The following SUZ12 variants were observed in gnomAD, a reference collection of about 807,000 sequenced individuals.
SUZ12 encodes the protein SUZ12 polycomb repressive complex 2 subunit.
In SUZ12, 17 loss-of-function variants were observed where a neutral mutation model predicts 87.3. That is an observed-to-expected ratio of 0.19 (90% CI 0.13 to 0.29). The LOEUF is 0.29. SUZ12 is among the 10% of genes least tolerant of loss of function. The pLI is 1.00. For missense variants in SUZ12, 526 were observed against 912.2 expected (o/e 0.58, Z 5.45); for synonymous variants, 253 against 312.4 (o/e 0.81, Z 2.01).
chr17:31,993,860 T>C lies in SUZ12; in HGVS notation c.1294-5T>C. 6.3e-7 allele frequency: 1 copy of C among 1,588,118 alleles called. No homozygotes were observed. Among genetic ancestry groups the C allele is most frequent in the Admixed American group, 1.9e-5 (1 of 51,830 alleles). On this transcript the variant is annotated splice_region_variant and splice_polypyrimidine_tract_variant and intron_variant, in intron 11 of 15. Transcript: ENST00000322652. ...GATTTGCTTTTTTTTTTTAATTGTT[T>C]TTAGTTTCTCTATAACAACAATACA... is the stretch of plus-strand genomic sequence containing the variant.
intron 4 of SUZ12, among the ~76,000 whole-genome samples, chr17:31,955,819 C>T (rs953045892): frequency 6.6e-6 from 1 of 152,092 alleles, no homozygotes; most frequent in Non-Finnish European, 1.5e-5. Context: ...TGGCCTCTAA[C>T]AGTCCTCCTG....
chr17:31,995,396 T>C (rs538304146), intron 13 of SUZ12, among the ~76,000 whole-genome samples, 168 bp from the exon 14 acceptor site: 3 of 152,266 alleles, frequency 2.0e-5, no homozygotes, highest in Admixed American at 2.0e-4. Context: ...ATTTACATTA[T>C]GTACCAAAAG....
At chr17:31,948,538 A>G (rs1906770827) in intron 4 of SUZ12, among the ~76,000 whole-genome samples, 1 of 152,166 alleles carries the variant, frequency 6.6e-6, no homozygotes, top group South Asian at 2.1e-4. Context: ...GATAGGATAT[A>G]CACTTAATGA....
At position 31,993,223 on chromosome 17, in the gene SUZ12, T is replaced by C. The variant is rs763926979; in HGVS notation, c.1202-19T>C. 6.6e-7 allele frequency: 1 copy of C among 1,507,524 alleles called. No individual in the cohort carries two copies. Among genetic ancestry groups the C allele is most frequent in the South Asian group, 1.2e-5 (1 of 80,356 alleles). The allele number at this position is 1,507,524 out of a possible 1,614,324, so 93.4% of individuals were successfully genotyped here. A position where few individuals can be genotyped will look rare whatever the true frequency, so the allele number is the denominator to read the frequency against. ...TCAAAAGCAATGTTTTTATTGAATA[T>C]AAAAGTGTATGTTTTCAGCTGTTAA... On this transcript the variant is annotated intron_variant, in intron 10 of 15. Coordinates refer to ENST00000322652, the MANE Select transcript of SUZ12 (RefSeq NM_015355.4).
intron 5 of SUZ12, among the ~76,000 whole-genome samples, chr17:31,972,731 CT>C: frequency 6.8e-6 from 1 of 146,782 alleles, no homozygotes; most frequent in South Asian, 2.5e-4. Flanking sequence ...ATTTTTTATA[CT>C]TACAACCTGG....
chr17:31,976,352 TA>T (rs1321780629), intron 7 of SUZ12, among the ~76,000 whole-genome samples, 168 bp from the exon 8 acceptor site: 5 of 152,198 alleles, frequency 3.3e-5, no homozygotes, highest in Non-Finnish European at 5.9e-5. Flanking sequence ...AAAAAGAACA[TA>T]TAGTAAAAAT....
chr17:31,993,264 A>G lies in SUZ12; in HGVS notation c.1224A>G (p.Thr408=), dbSNP rs1909813958. 1 of 1,578,732 alleles carries G rather than the reference A, an allele frequency of 6.3e-7. No individual in the cohort carries two copies. The highest frequency in any genetic ancestry group is 1.4e-5 in the African/African-American group (1 of 72,446). Residue 408 remains threonine (T), a synonymous_variant, in exon 11 of 16, where the codon ACA becomes ACG. Transcript: ENST00000322652. ...QTIAVKESLT[T]DLQTRKEKDT... is the part of the protein sequence containing the mutation. ...CAGCTGTTAAAGAATCATTGACTAC[A>G]GATCTACAAACAAGAAAAGAAAAGG...
chr17:31,999,190 T>A lies in SUZ12; in HGVS notation c.*187T>A, dbSNP rs1271007553. On this transcript the variant is annotated 3_prime_UTR_variant, in exon 16 of 16. Coordinates refer to ENST00000322652, the MANE Select transcript of SUZ12 (RefSeq NM_015355.4). ...TTCATTATGCAGCATTACATGTATA[T>A]CACTTTTATTGATGTCATTAAAACA... 4 of 437,564 alleles carry A rather than the reference T, an allele frequency of 9.1e-6. No homozygotes were observed. 27.1% of individuals were successfully genotyped at this position (437,564 alleles called of 1,614,324 possible).
intron 10 of SUZ12, among the ~76,000 whole-genome samples, chr17:31,989,765 A>ATTTT (rs568524946): frequency 8.5e-5 from 11 of 129,864 alleles, no homozygotes; most frequent in African/African-American, 2.3e-4. Context: ...CGACCAGCTA[A>ATTTT]TTTTTTTTTT....
chr17:31,963,941 C>T (rs764390385), intron 4 of SUZ12: 1 of 151,860 alleles, frequency 6.6e-6, no homozygotes, highest in African/African-American at 2.4e-5. Context: ...GGCACCGGCC[C>T]TCTGCTTTCT....
intron 8 of SUZ12, among the ~76,000 whole-genome samples, chr17:31,980,427 TCC>T (rs1200849340): frequency 4.0e-5 from 5 of 126,542 alleles, no homozygotes; most frequent in South Asian, 2.8e-4. Flanking sequence ...AATCACCTTC[TCC>T]TTTTTTTTTT....
At chr17:31,957,346 T>C (rs952381010) in intron 4 of SUZ12, among the ~76,000 whole-genome samples, 6 of 151,948 alleles carry the variant, frequency 3.9e-5, no homozygotes, top group African/African-American at 1.5e-4. Flanking sequence ...TTCATGTAAT[T>C]CTCCTGTCTC....
At chr17:31,950,811 G>A (rs1244554032) in intron 4 of SUZ12, among the ~76,000 whole-genome samples, 3 of 151,060 alleles carry the variant, frequency 2.0e-5, no homozygotes, top group African/African-American at 7.3e-5. Context: ...ACGGAGTCTC[G>A]CTCTGTCACC....
At chr17:31,963,826 C>T (rs1907912062) in intron 4 of SUZ12, 1 of 152,108 alleles carries the variant, frequency 6.6e-6, no homozygotes, top group African/African-American at 2.4e-5. Context: ...CCCGGCCATT[C>T]TTAGTTTTTA....
At chr17:31,973,681 A>T (rs1012329844) in intron 6 of SUZ12, among the ~76,000 whole-genome samples, 1 of 152,102 alleles carries the variant, frequency 6.6e-6, no homozygotes, top group Non-Finnish European at 1.5e-5. Flanking sequence ...CATTGCTTCA[A>T]ATTTTTATAA....
At chr17:31,984,490 A>G (rs529156735) in intron 9 of SUZ12, among the ~76,000 whole-genome samples, 8 of 152,376 alleles carry the variant, frequency 5.3e-5, no homozygotes, top group South Asian at 2.1e-4. Context: ...AAGAAAGCAT[A>G]AAGTAAAAAT....
chr17:31,964,643 G>A (rs1157650574), intron 4 of SUZ12, among the ~76,000 whole-genome samples: 3 of 151,802 alleles, frequency 2.0e-5, no homozygotes, highest in Non-Finnish European at 2.9e-5. Context: ...CTGACCTGGT[G>A]ATCCCCTGCC....
At chr17:31,950,147 G>A (rs185083240) in intron 4 of SUZ12, among the ~76,000 whole-genome samples, 7,736 of 151,190 alleles carry the variant, frequency 0.051, 298 homozygotes, top group Non-Finnish European at 0.076. Context: ...GCATCACACC[G>A]AACTAATTTT....
intron 5 of SUZ12, among the ~76,000 whole-genome samples, chr17:31,969,434 G>C (rs1245037448): frequency 6.6e-6 from 1 of 150,916 alleles, no homozygotes; most frequent in African/African-American, 2.4e-5. Context: ...CAGTAGGCAT[G>C]AGCCACCGAG....
Sources: allele counts gnomAD v4.1 joint callset (sites outside exome capture counted in the v4.1 genomes callset), GRCh38; gene constraint gnomAD v4.1.1; transcripts MANE v1.5; gene names NCBI Gene and HGNC (gene_info 2026-07-23, HGNC 2026-07-21).